Variants in CTNND2 observed in about 807,000 individuals in gnomAD.
CTNND2 encodes catenin delta-2.
In CTNND2, 22 loss-of-function variants were observed where a neutral mutation model predicts 144.4. That is an observed-to-expected ratio of 0.15 (90% CI 0.11 to 0.22). The LOEUF (loss-of-function observed/expected upper bound fraction) is 0.22, where lower values mean the gene tolerates loss of function less well. CTNND2 is among the 10% of genes least tolerant of loss of function. CTNND2 has a pLI of 1.00. For missense variants in CTNND2, 1,353 were observed against 1,618.8 expected, an observed-to-expected ratio of 0.84 and a Z score of 2.82; for synonymous variants, 751 against 695.6, an observed-to-expected ratio of 1.08 and a Z score of -1.25.
intron 18 of CTNND2, among the ~76,000 whole-genome samples, chr5:11,001,569 G>A (rs377638320): frequency 6.6e-6 from 1 of 152,062 alleles, no homozygotes; most frequent in Non-Finnish European, 1.5e-5. Context: ...CAATTTCACA[G>A]GTTTTATAGC....
intron 8 of CTNND2, among the ~76,000 whole-genome samples, chr5:11,349,245 G>T (rs761914025): frequency 6.6e-6 from 1 of 152,114 alleles, no homozygotes; most frequent in African/African-American, 2.4e-5. Context: ...ACCGACAGTA[G>T]GAAAGGGGAT....
intron 9 of CTNND2, among the ~76,000 whole-genome samples, chr5:11,301,064 T>TGGGCC (rs1315479018): frequency 6.6e-6 from 1 of 151,962 alleles, no homozygotes; most frequent in African/African-American, 2.4e-5. Flanking sequence ...TGGGCTGGGC[T>TGGGCC]GGAGTGCAGT....
chr5:11,367,630 G>T (rs766536996), intron 7 of CTNND2, among the ~76,000 whole-genome samples: 6 of 152,152 alleles, frequency 3.9e-5, no homozygotes, highest in Non-Finnish European at 8.8e-5. Flanking sequence ...CTGGAACTCT[G>T]TTATTATAAT....
intron 12 of CTNND2, among the ~76,000 whole-genome samples, chr5:11,140,602 C>T (rs1185715272): frequency 6.6e-6 from 1 of 152,166 alleles, no homozygotes; most frequent in Admixed American, 6.5e-5. Context: ...CCAGTTCCTA[C>T]TGTGATGTCA....
At chr5:11,657,841 C>T (rs935156245) in intron 2 of CTNND2, among the ~76,000 whole-genome samples, 5 of 151,900 alleles carry the variant, frequency 3.3e-5, no homozygotes, top group Admixed American at 6.6e-5. Flanking sequence ...TGTACATGTA[C>T]CCCCGAAATT....
At chr5:11,019,688 T>G (rs944739365) in intron 17 of CTNND2, among the ~76,000 whole-genome samples, 1 of 152,218 alleles carries the variant, frequency 6.6e-6, no homozygotes, top group Non-Finnish European at 1.5e-5. Context: ...CTTCTAAATA[T>G]TGATTGAAGG....
At chr5:11,844,668 T>C (rs1794648605) in intron 1 of CTNND2, among the ~76,000 whole-genome samples, 1 of 152,202 alleles carries the variant, frequency 6.6e-6, no homozygotes, top group South Asian at 2.1e-4. Context: ...TTGTTTAATT[T>C]GAACTCTTTT....
chr5:11,724,733 T>A (rs1284689731), intron 2 of CTNND2, among the ~76,000 whole-genome samples: 4 of 152,240 alleles, frequency 2.6e-5, no homozygotes, highest in Non-Finnish European at 1.5e-5. Context: ...TGATTTCCTA[T>A]AAAAACTATG....
chr5:11,653,043 C>T (rs1782722735), intron 2 of CTNND2, among the ~76,000 whole-genome samples: 1 of 149,964 alleles, frequency 6.7e-6, no homozygotes, highest in South Asian at 2.1e-4. Context: ...GGCAGAATTT[C>T]CTTCTTTTTT....
At chr5:11,440,400 A>G (rs1256178834) in intron 3 of CTNND2, among the ~76,000 whole-genome samples, 4 of 152,176 alleles carry the variant, frequency 2.6e-5, no homozygotes, top group Admixed American at 1.3e-4. Context: ...ATATGCTATG[A>G]TCCTGGTGTG....
At chr5:11,814,290 A>C (rs1465387725) in intron 1 of CTNND2, among the ~76,000 whole-genome samples, 8 of 152,238 alleles carry the variant, frequency 5.3e-5, no homozygotes, top group Non-Finnish European at 8.8e-5. Context: ...CATGAATCTC[A>C]TATATAAAAC....
chr5:11,857,673 C>T (rs1287044616), intron 1 of CTNND2, among the ~76,000 whole-genome samples: 1 of 152,094 alleles, frequency 6.6e-6, no homozygotes. Flanking sequence ...TAGTTAGTGT[C>T]ATATTTAATA....
At chr5:11,525,928 A>T (rs944226166) in intron 3 of CTNND2, among the ~76,000 whole-genome samples, 6 of 152,162 alleles carry the variant, frequency 3.9e-5, no homozygotes, top group Admixed American at 3.3e-4. Flanking sequence ...GTTTTGAGGC[A>T]GAGTCTCGCT....
At chr5:11,514,268 T>C (rs1435733037) in intron 3 of CTNND2, among the ~76,000 whole-genome samples, 1 of 152,124 alleles carries the variant, frequency 6.6e-6, no homozygotes, top group Admixed American at 6.6e-5. Context: ...ATAAGACATA[T>C]ATATATGCAC....
intron 2 of CTNND2, among the ~76,000 whole-genome samples, chr5:11,654,499 G>T (rs1196480319): frequency 2.0e-5 from 3 of 151,798 alleles, no homozygotes; most frequent in Admixed American, 2.0e-4. Context: ...TTGTAAATGA[G>T]ATTTTTAAAA....
At chr5:11,602,611 G>A (rs1779851665) in intron 2 of CTNND2, among the ~76,000 whole-genome samples, 1 of 148,984 alleles carries the variant, frequency 6.7e-6, no homozygotes, top group African/African-American at 2.5e-5. Flanking sequence ...GAAACCAAGA[G>A]ACAGCTTTGC....
chr5:11,308,641 A>AT (rs1342478895), intron 9 of CTNND2, among the ~76,000 whole-genome samples: 2 of 152,184 alleles, frequency 1.3e-5, no homozygotes, highest in Non-Finnish European at 2.9e-5. Flanking sequence ...TTTTGGTTTG[A>AT]TTTTTTATTT....
chr5:11,459,927 T>C (rs1182327638), intron 3 of CTNND2, among the ~76,000 whole-genome samples: 3 of 152,222 alleles, frequency 2.0e-5, no homozygotes, highest in Admixed American at 6.5e-5. Flanking sequence ...TAGTGTCTGA[T>C]GGTTAATGCC....
chr5:11,507,288 T>C (rs1771148126), intron 3 of CTNND2, among the ~76,000 whole-genome samples: 1 of 152,206 alleles, frequency 6.6e-6, no homozygotes, highest in South Asian at 2.1e-4. Context: ...CTTCTAGCTC[T>C]ATGTAGAGTA....
Sources: allele counts gnomAD v4.1 joint callset (sites outside exome capture counted in the v4.1 genomes callset), GRCh38; gene constraint gnomAD v4.1.1; transcripts MANE v1.5; gene names NCBI Gene and HGNC (gene_info 2026-07-23, HGNC 2026-07-21).